The following EMC1 variants were observed in gnomAD, a reference collection of about 807,000 sequenced individuals.
EMC1 encodes ER membrane protein complex subunit 1, also known as KIAA0090.
A neutral mutation model predicts 128.8 loss-of-function variants in EMC1; 103 were observed. That is an observed-to-expected ratio of 0.80 (90% CI 0.68 to 0.94). The LOEUF is 0.94. Among genes scored for constraint, EMC1 ranks in the 40% least tolerant of loss-of-function variants. The pLI is 0.00. For synonymous variants in EMC1, 442 were observed against 490.4 expected, an observed-to-expected ratio of 0.90 and a Z score of 1.30; for missense variants, 1,083 against 1,250.6, an observed-to-expected ratio of 0.87 and a Z score of 2.02.
Position 19,216,621 on chromosome 1 carries a change from A to G in EMC1, c.*2682T>C, listed in dbSNP as rs2093398474. ...ATAGCATCATCTCATTTAAGAAAAC[A>G]CTGTATACAAGAACAAACACTAGAC... On this transcript the variant is annotated 3_prime_UTR_variant, in exon 23 of 23. Transcript: ENST00000477853. 6.6e-6 allele frequency: 1 copy of G among 152,244 alleles called. No individual in the cohort carries two copies. Among genetic ancestry groups the G allele is most frequent in the Non-Finnish European group, 1.5e-5 (1 of 68,042 alleles). 9.4% of individuals were successfully genotyped at this position (152,244 alleles called of 1,614,324 possible).
intron 5 of EMC1, among the ~76,000 whole-genome samples, chr1:19,241,623 C>CA (rs1354369124): frequency 6.6e-6 from 1 of 152,138 alleles, no homozygotes; most frequent in Admixed American, 6.6e-5. Context: ...TCAGGTGATC[C>CA]TCCCACCTCA....
chr1:19,235,423 C>G (rs1358973310), intron 12 of EMC1, among the ~76,000 whole-genome samples, 171 bp from the exon 13 acceptor site: 1 of 152,158 alleles, frequency 6.6e-6, no homozygotes, highest in Non-Finnish European at 1.5e-5. Flanking sequence ...AATATCAGGG[C>G]TGGGCACAGT....
intron 2 of EMC1, 92 bp from the exon 3 acceptor site, chr1:19,244,107 A>G: frequency 8.0e-7 from 1 of 1,251,530 alleles, no homozygotes; most frequent in South Asian, 1.2e-5. Flanking sequence ...TTTGCACAGC[A>G]ATGTCCAATT....
intron 12 of EMC1, 126 bp downstream of exon 12, chr1:19,237,016 A>C: frequency 1.4e-6 from 1 of 705,456 alleles, no homozygotes; most frequent in Admixed American, 2.3e-5. Context: ...GCTATGAACG[A>C]AACACTCAGG....
intron 12 of EMC1, 104 bp downstream of exon 12, chr1:19,237,038 T>C (rs1401888992): frequency 8.4e-5 from 67 of 797,014 alleles, no homozygotes; most frequent in Non-Finnish European, 1.3e-4. Flanking sequence ...CACACTCCAC[T>C]TGAATCTCTT....
chr1:19,234,128 C>T (rs138605524), intron 13 of EMC1: 7 of 974,026 alleles, frequency 7.2e-6, no homozygotes, highest in Middle Eastern at 5.3e-4. Flanking sequence ...TAACCAAAAG[C>T]TAGCCATGTG....
At chr1:19,249,662 C>T (rs2093648040) in intron 1 of EMC1, among the ~76,000 whole-genome samples, 1 of 152,168 alleles carries the variant, frequency 6.6e-6, no homozygotes, top group Admixed American at 6.5e-5. Context: ...CAGTGGCTCA[C>T]ACCTGTAATC....
intron 15 of EMC1, among the ~76,000 whole-genome samples, chr1:19,231,630 T>C (rs903195851): frequency 1.3e-5 from 2 of 152,078 alleles, no homozygotes; most frequent in Non-Finnish European, 2.9e-5. Flanking sequence ...GCCAGTTCTT[T>C]TTCGTTTGAG....
intron 21 of EMC1, chr1:19,220,259 C>T (rs1314718538): frequency 6.3e-6 from 1 of 159,816 alleles, no homozygotes; most frequent in Non-Finnish European, 1.4e-5. Flanking sequence ...GGCTTGCCCA[C>T]ATGGTCTGGC....
chr1:19,239,891 T>A lies in EMC1; in HGVS notation c.881A>T (p.His294Leu). ...CAGAGCATAGTGGCTTGGGGACAAG[T>A]GCAGGAAGAACTGGGCCCGGGAAGC... ...VDASRAQFFL[H>L]LSPSHYALLQ... The change falls in exon 8 of 23, where the codon CAC becomes CTC. Residue 294 changes from histidine (H) to leucine (L), a missense_variant. His to Leu is a moderately conservative substitution (Grantham distance 99). Coordinates refer to ENST00000477853, the MANE Select transcript of EMC1 (RefSeq NM_015047.3). 6.2e-7 allele frequency: 1 copy of A among 1,614,088 alleles called. No individual in the cohort carries two copies. Among genetic ancestry groups the A allele is most frequent in the Non-Finnish European group, 8.5e-7 (1 of 1,180,012 alleles).
intron 2 of EMC1, 115 bp downstream of exon 2, chr1:19,244,791 G>A (rs2093624289): frequency 1.7e-6 from 2 of 1,192,520 alleles, no homozygotes; most frequent in African/African-American, 1.5e-5. Context: ...AATCCACTAG[G>A]AGAGGCATCT....
chr1:19,230,779 G>C, intron 17 of EMC1, 65 bp downstream of exon 17: 5 of 1,599,094 alleles, frequency 3.1e-6, no homozygotes, highest in Non-Finnish European at 4.3e-6. Context: ...TCACTTCTTA[G>C]CCAAATGGCC....
chr1:19,238,979 T>A, intron 9 of EMC1, 122 bp from the exon 10 acceptor site: 1 of 800,568 alleles, frequency 1.2e-6, no homozygotes, highest in Non-Finnish European at 2.1e-6. Flanking sequence ...TTCTCACCCC[T>A]GCCCACAAAG....
chr1:19,229,044 T>TA (rs1025727657), intron 17 of EMC1, among the ~76,000 whole-genome samples: 15 of 150,600 alleles, frequency 1.0e-4, no homozygotes, highest in Non-Finnish European at 1.3e-4. Flanking sequence ...ACTCTGTCTC[T>TA]AAAAAAAAAT....
At chr1:19,238,879 G>A in intron 9 of EMC1, 22 bp from the exon 10 acceptor site, 1 of 1,551,416 alleles carries the variant, frequency 6.4e-7, no homozygotes, top group African/African-American at 1.4e-5. Context: ...AGAAGGACAG[G>A]AGAAAATTCA....
chr1:19,245,647 G>A lies in EMC1; in HGVS notation c.96-617C>T, dbSNP rs188464877. Reference sequence around the variant, plus strand: ...CCTTTCTTTTTTTTTTTTTTGAGACGAAGTCTCACTCTTGTCCCCCAGGCT... The same window carrying A: ...CCTTTCTTTTTTTTTTTTTTGAGACAAAGTCTCACTCTTGTCCCCCAGGCT... On this transcript the variant is annotated intron_variant, in intron 1 of 22. Coordinates refer to ENST00000477853, the MANE Select transcript of EMC1 (RefSeq NM_015047.3). Among the ~76,000 whole-genome samples the A allele has an allele frequency of 1.4e-3, 80 of 56,854 alleles. No homozygotes were observed. In the Admixed American group the frequency reaches 0.015, roughly 11 times the overall value. 37.3% of individuals were successfully genotyped at this position (56,854 alleles called of 152,430 possible).
At chr1:19,226,976 A>G (rs1462149944) in intron 18 of EMC1, among the ~76,000 whole-genome samples, 1 of 152,022 alleles carries the variant, frequency 6.6e-6, no homozygotes, top group East Asian at 1.9e-4. Flanking sequence ...GCAGTGAGCC[A>G]TGACTGCATC....
rs752030080 is a variant in EMC1, at chr1:19,240,474, G to A, written c.637-28C>T. Reference sequence around the variant, plus strand: ...ACAGAAAAGTCATCGTTAACAGGAAGCTCGTGAAAGATTTTTACATTTCCC... The same window carrying A: ...ACAGAAAAGTCATCGTTAACAGGAAACTCGTGAAAGATTTTTACATTTCCC... On this transcript the variant is annotated intron_variant, in intron 6 of 22. Coordinates refer to ENST00000477853, the MANE Select transcript of EMC1 (RefSeq NM_015047.3). 6 of 1,612,426 alleles carry A rather than the reference G, an allele frequency of 3.7e-6. No homozygotes were observed. The South Asian group carries it at 6.6e-5, about 18-fold the overall frequency.
At chr1:19,243,320 G>C (rs367921384) in intron 4 of EMC1, among the ~76,000 whole-genome samples, 9 of 152,280 alleles carry the variant, frequency 5.9e-5, no homozygotes, top group Admixed American at 1.3e-4. Flanking sequence ...CTAAACAGTG[G>C]AAGTTTTATA....
Sources: gnomAD v4.1 joint callset for allele counts (sites outside exome capture counted in the v4.1 genomes callset) on GRCh38, gnomAD v4.1.1 for gene constraint, MANE v1.5 for transcripts, NCBI Gene and HGNC (gene_info 2026-07-23, HGNC 2026-07-21) for gene names.